The following UBE2Z variants were observed in gnomAD, a reference collection of about 807,000 sequenced individuals.
UBE2Z encodes the protein ubiquitin-conjugating enzyme E2 Z.
A neutral mutation model predicts 32.6 loss-of-function variants in UBE2Z; 10 were observed. The ratio of observed to expected loss-of-function variants is 0.31; its 90% CI spans 0.19 to 0.52. UBE2Z has a LOEUF of 0.52. UBE2Z is among the 20% of genes least tolerant of loss of function. UBE2Z has a pLI of 0.97. For synonymous variants in UBE2Z, 183 were observed against 190.8 expected (o/e 0.96, Z 0.34); for missense variants, 343 against 480.9 (o/e 0.71, Z 2.68).
At position 48,928,248 on chromosome 17, in the gene UBE2Z, G is replaced by C. The variant is rs527304002; in HGVS notation, c.*1114G>C. On this transcript the variant is annotated 3_prime_UTR_variant, in exon 7 of 7. Coordinates refer to ENST00000360943, the MANE Select transcript of UBE2Z (RefSeq NM_023079.5). ...TTCCGCCTCCCCCGTGCCCCCAGCT[G>C]CTCTTGTCACTGTCTCTGATGGGTA... 6.6e-6 allele frequency: 1 copy of C among 152,412 alleles called. No individual in the cohort carries two copies. Among genetic ancestry groups the C allele is most frequent in the East Asian group, 1.9e-4 (1 of 5,180 alleles). 9.4% of individuals were successfully genotyped at this position (152,412 alleles called of 1,614,324 possible).
chr17:48,926,908 C>T (rs2040802437), intron 6 of UBE2Z, 56 bp from the exon 7 acceptor site: 11 of 1,562,820 alleles, frequency 7.0e-6, no homozygotes, highest in Non-Finnish European at 8.7e-6. Flanking sequence ...GTTGCTTTCT[C>T]TAGGATCAGC....
intron 4 of UBE2Z, among the ~76,000 whole-genome samples, chr17:48,920,382 G>C (rs2040750797): frequency 6.6e-6 from 1 of 152,122 alleles, no homozygotes; most frequent in African/African-American, 2.4e-5. Context: ...TGTAATCCCA[G>C]CTACTTGGAA....
rs183767062 is a variant in UBE2Z at position 48,922,890 on chromosome 17, G to A, written c.847G>A (p.Glu283Lys). ...KSFLEYYDFYEVACKDRLHLQ... is the reference protein window; with the variant it reads ...KSFLEYYDFYKVACKDRLHLQ... ...CTTTCTGGAGTATTACGACTTCTAC[G>A]AGGTGGCCTGCAAAGATCGCCTGCA... Residue 283 changes from glutamate to lysine, a missense_variant, in exon 6 of 7, where the codon GAG (glutamate) becomes AAG (lysine). By Grantham distance (56) the Glu-to-Lys change is moderately conservative. Around this residue, in one of 4 missense-constraint regions of UBE2Z, gnomAD observed 182 missense variants for 312.4 expected, o/e 0.58. Coordinates refer to ENST00000360943, the MANE Select transcript of UBE2Z (RefSeq NM_023079.5). 5 of 1,612,996 alleles carry A rather than the reference G, an allele frequency of 3.1e-6. No individual in the cohort carries two copies. Among genetic ancestry groups the A allele is most frequent in the Middle Eastern group, 1.7e-4 (1 of 6,004 alleles).
chr17:48,910,161 TA>T (rs752963990), intron 1 of UBE2Z, among the ~76,000 whole-genome samples: 130 of 152,156 alleles, frequency 8.5e-4, no homozygotes, highest in Non-Finnish European at 1.8e-3. Context: ...GTTGGTGAGA[TA>T]TGAGTCAGAA....
chr17:48,916,258 G>GTTTTGTTTT (rs1555580094), intron 4 of UBE2Z, 71 bp downstream of exon 4: 3 of 418,998 alleles, frequency 7.2e-6, no homozygotes, highest in South Asian at 5.1e-5. Context: ...TGGTTTTTTT[G>GTTTTGTTTT]TTTTTTTTTT....
rs371253123 is a variant in UBE2Z at position 48,916,258 on chromosome 17, G to GTTTTTTTTTTTTTTTTTT, written c.690+86_690+87insTTTTTTTTTTTTTTTTTT. On this transcript the variant is annotated intron_variant, in intron 4 of 6. Coordinates refer to ENST00000360943, the MANE Select transcript of UBE2Z (RefSeq NM_023079.5). ...GTTTGTTTGGTTGGTTGGTTTTTTTGTTTTTTTTTTTTTTTGAGACAGAGT... is the reference window on the plus strand; with the variant it reads ...GTTTGTTTGGTTGGTTGGTTTTTTTGTTTTTTTTTTTTTTTTTTTTTTTTTTTTTTTTTGAGACAGAGT... 5.2e-4 allele frequency: 216 copies of GTTTTTTTTTTTTTTTTTT among 418,832 alleles called. 3 individuals carry two copies. Among genetic ancestry groups the GTTTTTTTTTTTTTTTTTT allele is most frequent in the Non-Finnish European group, 6.6e-4 (175 of 264,022 alleles). 25.9% of individuals were successfully genotyped at this position (418,832 alleles called of 1,614,324 possible). A position where few individuals can be genotyped will look rare whatever the true frequency, so the allele number is the denominator to read the frequency against.
chr17:48,916,258 GT>G (rs371253123), intron 4 of UBE2Z, 71 bp downstream of exon 4: 14,849 of 415,120 alleles, frequency 0.036, 9 homozygotes, highest in South Asian at 0.051. Flanking sequence ...TGGTTTTTTT[GT>G]TTTTTTTTTT....
chr17:48,910,698 C>T, intron 1 of UBE2Z, 110 bp from the exon 2 acceptor site: 1 of 840,472 alleles, frequency 1.2e-6, no homozygotes, highest in Non-Finnish European at 2.1e-6. Flanking sequence ...CCAAGCACCA[C>T]TTTCTCAAAC....
In UBE2Z at chr17:48,910,702, C is replaced by G. The variant is rs1032477862; in HGVS notation, c.318-106C>G. ...CACTTGCGGTACCAAGCACCACTTT[C>G]TCAAACCCTGGCCTCATTGAGGTGA... On this transcript the variant is annotated intron_variant, in intron 1 of 6. Coordinates refer to ENST00000360943, the MANE Select transcript of UBE2Z (RefSeq NM_023079.5). 8.1e-6 allele frequency: 7 copies of G among 866,738 alleles called. No individual in the cohort carries two copies. The Admixed American group carries it at 1.1e-4, about 13-fold the overall frequency. 53.7% of individuals were successfully genotyped at this position (866,738 alleles called of 1,614,324 possible). A position where few individuals can be genotyped will look rare whatever the true frequency, so the allele number is the denominator to read the frequency against.
intron 4 of UBE2Z, among the ~76,000 whole-genome samples, chr17:48,916,601 G>GTTTTA (rs1375545126): frequency 6.6e-6 from 1 of 151,360 alleles, no homozygotes; most frequent in Non-Finnish European, 1.5e-5. Flanking sequence ...GTTTTGTTTT[G>GTTTTA]TTTTGTTTTG....
intron 2 of UBE2Z, chr17:48,912,031 T>C (rs1233367281): frequency 6.6e-6 from 1 of 151,184 alleles, no homozygotes; most frequent in Non-Finnish European, 1.5e-5. Flanking sequence ...GAAGAGAATT[T>C]AGTGTCGTTT....
chr17:48,922,723 C>T (rs2040768994), intron 5 of UBE2Z, 124 bp from the exon 6 acceptor site: 3 of 588,248 alleles, frequency 5.1e-6, no homozygotes, highest in Admixed American at 3.0e-5. Flanking sequence ...GCTGAGGTTG[C>T]ACCACTGCAC....
At chr17:48,920,464 T>C (rs1347260771) in intron 4 of UBE2Z, among the ~76,000 whole-genome samples, 1 of 152,040 alleles carries the variant, frequency 6.6e-6, no homozygotes, top group Non-Finnish European at 1.5e-5. Flanking sequence ...GCCATTGCAC[T>C]CCAGCCTGGG....
chr17:48,923,373 G>A (rs1285040925), intron 6 of UBE2Z, among the ~76,000 whole-genome samples: 1 of 149,576 alleles, frequency 6.7e-6, no homozygotes, highest in Non-Finnish European at 1.5e-5. Context: ...GCTCACGCCT[G>A]TAATCCCAGC....
chr17:48,916,476 C>T (rs1236250356), intron 4 of UBE2Z, among the ~76,000 whole-genome samples: 1 of 151,600 alleles, frequency 6.6e-6, no homozygotes, highest in Non-Finnish European at 1.5e-5. Flanking sequence ...TGGTCTCCAG[C>T]TCCTGACCTG....
chr17:48,921,246 A>G lies in UBE2Z; in HGVS notation c.777A>G (p.Gly259=). The change falls in exon 5 of 7, where the codon GGA becomes GGG. Residue 259 remains glycine, a synonymous_variant. Transcript: ENST00000360943. ...TTGCAGTCTGTGACATGATGGAAGGAAAGTGTCCCTGTCCTGAACCCCTAC... is the reference window on the plus strand; with the variant it reads ...TTGCAGTCTGTGACATGATGGAAGGGAAGTGTCCCTGTCCTGAACCCCTAC... ...IRVAVCDMME[G]KCPCPEPLRG... is the part of the protein sequence containing the mutation. 2 of 1,612,598 alleles carry G rather than the reference A, an allele frequency of 1.2e-6. No individual in the cohort carries two copies. The highest frequency in any genetic ancestry group is 1.7e-6 in the Non-Finnish European group (2 of 1,179,372).
chr17:48,925,295 AAAAG>A (rs946319138), intron 6 of UBE2Z, among the ~76,000 whole-genome samples: 24 of 151,254 alleles, frequency 1.6e-4, no homozygotes, highest in East Asian at 5.8e-4. Context: ...AAAAAAAAAA[AAAAG>A]AAAGAAAAAG....
At chr17:48,910,595 A>AATG (rs1287840027) in intron 1 of UBE2Z, 1 of 454,166 alleles carries the variant, frequency 2.2e-6, no homozygotes, top group African/African-American at 2.0e-5. Context: ...CTGAGGAAAC[A>AATG]ATGCCCTTTT....
chr17:48,910,620 C>T (rs1281955317), intron 1 of UBE2Z, 188 bp from the exon 2 acceptor site: 3 of 489,210 alleles, frequency 6.1e-6, no homozygotes, highest in African/African-American at 3.8e-5. Flanking sequence ...ATAATTTGCT[C>T]TCTGCCTGCC....
Sources: allele counts gnomAD v4.1 joint callset (sites outside exome capture counted in the v4.1 genomes callset), GRCh38; gene constraint gnomAD v4.1.1; regional missense constraint gnomAD v4.1.1; transcripts MANE v1.5; gene names NCBI Gene and HGNC (gene_info 2026-07-23, HGNC 2026-07-21).